PHC3: variants seen among roughly 807,000 people sequenced by gnomAD.
The protein encoded by PHC3 is polyhomeotic-like protein 3.
Under a neutral mutation model 107.4 loss-of-function variants are expected in PHC3, and 13 were observed. That is an observed-to-expected ratio of 0.12 (90% CI 0.08 to 0.19). The LOEUF (loss-of-function observed/expected upper bound fraction) is 0.19. PHC3 is among the 10% of genes least tolerant of loss of function. The probability of loss-of-function intolerance (pLI) is 1.00; values close to 1 mark genes in which losing one functional copy is unlikely to be tolerated. For synonymous variants in PHC3, 456 were observed against 427.4 expected (o/e 1.07, Z -0.83); for missense variants, 992 against 1,210.9 (o/e 0.82, Z 2.68).
chr3:170,119,396 A>G (rs914101274), intron 9 of PHC3, among the ~76,000 whole-genome samples: 5 of 152,204 alleles, frequency 3.3e-5, no homozygotes, highest in Non-Finnish European at 7.3e-5. Context: ...TTCAAGAAAT[A>G]ATGCTTGCTG....
chr3:170,106,769 T>C, intron 12 of PHC3, 63 bp downstream of exon 12: 2 of 1,111,286 alleles, frequency 1.8e-6, no homozygotes, highest in Non-Finnish European at 2.6e-6. Context: ...ATTCAAGGGT[T>C]TTTTGGTTTA....
chr3:170,104,090 AT>A (rs2092509277), intron 12 of PHC3, among the ~76,000 whole-genome samples: 1 of 152,316 alleles, frequency 6.6e-6, no homozygotes, highest in East Asian at 1.9e-4. Context: ...AAATAAAAAA[AT>A]AAAAAATAAA....
chr3:170,098,832 G>A (rs1019553430), intron 14 of PHC3, among the ~76,000 whole-genome samples: 2 of 151,934 alleles, frequency 1.3e-5, no homozygotes, highest in Admixed American at 1.3e-4. Context: ...TACCCTCTAC[G>A]AAATTATTAT....
chr3:170,133,957 A>G (rs374037433), intron 7 of PHC3, among the ~76,000 whole-genome samples: 25 of 152,224 alleles, frequency 1.6e-4, no homozygotes, highest in African/African-American at 6.0e-4. Flanking sequence ...ACCTTTCATT[A>G]TAATTTATCA....
intron 2 of PHC3, among the ~76,000 whole-genome samples, chr3:170,173,202 AAAAAC>A (rs1420015995): frequency 6.6e-6 from 1 of 151,960 alleles, no homozygotes; most frequent in Non-Finnish European, 1.5e-5. Flanking sequence ...TCAAAAAAAA[AAAAAC>A]AAAACAAAAC....
intron 6 of PHC3, among the ~76,000 whole-genome samples, chr3:170,145,055 A>G (rs1724728164): frequency 1.3e-5 from 2 of 152,204 alleles, no homozygotes. Context: ...TTTCAAACTT[A>G]AAATCCATCT....
intron 1 of PHC3, 128 bp downstream of exon 1, chr3:170,181,574 G>A (rs1000175055): frequency 3.1e-5 from 42 of 1,374,638 alleles, no homozygotes; most frequent in Middle Eastern, 3.5e-4. Flanking sequence ...TCCACGATAG[G>A]ACGGGTCTCG....
At chr3:170,126,507 T>C (rs1181365661) in intron 8 of PHC3, among the ~76,000 whole-genome samples, 3 of 73,916 alleles carry the variant, frequency 4.1e-5, no homozygotes, top group African/African-American at 5.2e-5. Context: ...TCCATATGTA[T>C]ATATATATAT....
At chr3:170,166,510 TTAAC>T (rs1728770329) in intron 4 of PHC3, among the ~76,000 whole-genome samples, 1 of 152,180 alleles carries the variant, frequency 6.6e-6, no homozygotes, top group Admixed American at 6.5e-5. Flanking sequence ...ACTGTAGGAA[TTAAC>T]TATCATTTTT....
chr3:170,097,394 G>C lies in PHC3; in HGVS notation c.2834-10C>G, dbSNP rs1000740910. The C allele has an allele frequency of 1.2e-6, 2 of 1,610,924 alleles. No individual in the cohort carries two copies. Among genetic ancestry groups the C allele is most frequent in the Non-Finnish European group, 1.7e-6 (2 of 1,178,056 alleles). On this transcript the variant is annotated splice_polypyrimidine_tract_variant and intron_variant, in intron 14 of 14. Transcript: ENST00000495893. This position sits in a 1 kb window ranked among gnomAD's most constrained non-coding sequence, Gnocchi z 4.1. ...GCGATATCCTGGCAGCCTGGAATTT[G>C]ACCAGAGGACAGAAGTTAGAATTAA...
rs1553779856 is a variant in PHC3 at position 170,111,317 on chromosome 3, G to GGAAGGAAC, written c.2353+2042_2353+2043insGTTCCTTC. On this transcript the variant is annotated intron_variant, in intron 11 of 14. Transcript: ENST00000495893. ...AGGAAGGAAGGAAGGAAGGAAGGAAGGAACGAACGAACGAAAGAACAAAAG... is the reference window on the plus strand; with the variant it reads ...AGGAAGGAAGGAAGGAAGGAAGGAAGGAAGGAACGAACGAACGAACGAAAGAACAAAAG... 1.6e-3 allele frequency among the ~76,000 whole-genome samples: 174 copies of GGAAGGAAC among 107,476 alleles called. 1 individual carries two copies. Among genetic ancestry groups the GGAAGGAAC allele is most frequent in the Middle Eastern group, 9.6e-3 (2 of 208 alleles). The allele number at this position is 107,476 out of a possible 152,430, so 70.5% of individuals were successfully genotyped here.
At chr3:170,137,489 T>C (rs1002294005) in intron 6 of PHC3, among the ~76,000 whole-genome samples, 1 of 152,158 alleles carries the variant, frequency 6.6e-6, no homozygotes, top group African/African-American at 2.4e-5. Context: ...GTATCAAATA[T>C]ATGCAGGCTA....
At position 170,134,129 on chromosome 3, in the gene PHC3, G is replaced by A. The variant is rs150490457; in HGVS notation, c.919+2290C>T. 1.8e-3 allele frequency among the ~76,000 whole-genome samples: 269 copies of A among 151,672 alleles called. 1 individual carries two copies. Among genetic ancestry groups the A allele is most frequent in the African/African-American group, 5.8e-3 (238 of 41,322 alleles). Reference sequence around the variant, plus strand: ...GCTTTTATGCCATACAGAGAGCAGCGCCTAGCACACAGAGGTTTAAAAAAA... The same window carrying A: ...GCTTTTATGCCATACAGAGAGCAGCACCTAGCACACAGAGGTTTAAAAAAA... On this transcript the variant is annotated intron_variant, in intron 7 of 14. Coordinates refer to ENST00000495893, the MANE Select transcript of PHC3 (RefSeq NM_024947.4).
chr3:170,144,359 A>G (rs1724619724), intron 6 of PHC3, among the ~76,000 whole-genome samples: 1 of 151,078 alleles, frequency 6.6e-6, no homozygotes, highest in Non-Finnish European at 1.5e-5. Flanking sequence ...AAAAAAAAGT[A>G]TATATCAAAA....
At chr3:170,172,768 C>G in intron 2 of PHC3, 56 bp from the exon 3 acceptor site, 4 of 1,531,868 alleles carry the variant, frequency 2.6e-6, no homozygotes, top group Non-Finnish European at 3.5e-6. Flanking sequence ...TTATCTTAAT[C>G]AGAAAATCAA....
At chr3:170,126,528 A>ATTTTTTTTT (rs1553788612) in intron 8 of PHC3, among the ~76,000 whole-genome samples, 1 of 90,614 alleles carries the variant, frequency 1.1e-5, no homozygotes, top group Non-Finnish European at 2.1e-5. Flanking sequence ...ATATATATAT[A>ATTTTTTTTT]TTTTTTTTTT....
Position 170,163,461 on chromosome 3 carries a change from AGTGTGTGTGTGTGT to A in PHC3, c.414+7898_414+7911del, listed in dbSNP as rs56986650. 8.3e-3 allele frequency among the ~76,000 whole-genome samples: 1,220 copies of A among 146,312 alleles called. 18 individuals carry two copies. The highest frequency in any genetic ancestry group is 0.029 in the African/African-American group (1,149 of 39,374). Reference sequence around the variant, plus strand: ...GAAAATTCCCAAATATTTAGTAAAGAGTGTGTGTGTGTGTGTGTGTGTGTGTGTGTGTGTGTGTG... The same window carrying A: ...GAAAATTCCCAAATATTTAGTAAAGAGTGTGTGTGTGTGTGTGTGTGTGTG... On this transcript the variant is annotated intron_variant, in intron 4 of 14. Transcript: ENST00000495893.
In PHC3 at chr3:170,178,815, T is replaced by C. The variant is rs756324616; in HGVS notation, c.138A>G (p.Pro46=). The change falls in exon 2 of 15, where the codon CCA becomes CCG. Residue 46 remains proline, a synonymous_variant. Transcript: ENST00000495893. The stretch of plus-strand genomic sequence containing the variant: ...CTGAACCACTGTAGACAGAGATCTG[T>C]GGCTGCTGCATTCGAGAGGAGGAAG... ...ITTSSSRMQQ[P]QISVYSGSDR... 1.9e-6 allele frequency: 3 copies of C among 1,614,046 alleles called. No individual in the cohort carries two copies. The highest frequency in any genetic ancestry group is 2.7e-5 in the African/African-American group (2 of 75,056).
chr3:170,140,379 G>C (rs1323057345), intron 6 of PHC3, among the ~76,000 whole-genome samples: 1 of 147,630 alleles, frequency 6.8e-6, no homozygotes, highest in African/African-American at 2.5e-5. Flanking sequence ...TCAGCCTCCT[G>C]AGTAGCTAGG....
Sources: gnomAD v4.1 joint callset for allele counts (sites outside exome capture counted in the v4.1 genomes callset) on GRCh38, gnomAD v4.1.1 for gene constraint, Gnocchi (gnomAD v3.1) non-coding constraint, MANE v1.5 for transcripts, NCBI Gene and HGNC (gene_info 2026-07-23, HGNC 2026-07-21) for gene names.